The following FAM117B variants were observed in gnomAD, a reference collection of about 807,000 sequenced individuals.
The protein encoded by FAM117B is family with sequence similarity 117 member B.
In FAM117B, 22 loss-of-function variants were observed where a neutral mutation model predicts 52.8. That is an observed-to-expected ratio of 0.42 (90% confidence interval 0.30 to 0.59). The LOEUF (loss-of-function observed/expected upper bound fraction) is 0.59, where lower values mean the gene tolerates loss of function less well. Among genes scored for constraint, FAM117B ranks in the 20% least tolerant of loss-of-function variants. The pLI, the probability that FAM117B is intolerant of heterozygous loss-of-function variation, is 0.22. For missense variants in FAM117B, 678 were observed against 802.6 expected, an observed-to-expected ratio of 0.84 and a Z score of 1.88; for synonymous variants, 309 against 324.1, an observed-to-expected ratio of 0.95 and a Z score of 0.50.
intron 4 of FAM117B, among the ~76,000 whole-genome samples, chr2:202,750,972 A>G (rs1691712403): frequency 6.6e-6 from 1 of 152,186 alleles, no homozygotes; most frequent in Non-Finnish European, 1.5e-5. Flanking sequence ...AGTAGGTAGA[A>G]CAGAAAATGT....
Position 202,696,051 on chromosome 2 carries a change from T to C in FAM117B, c.753+19T>C. 1 of 1,609,094 alleles carries C rather than the reference T, an allele frequency of 6.2e-7. No individual in the cohort carries two copies. On this transcript the variant is annotated intron_variant, in intron 2 of 7. Coordinates refer to ENST00000392238, the MANE Select transcript of FAM117B (RefSeq NM_173511.4). ...TACACAGGTAAGCTTATTATAGTTC[T>C]TATCCTGAAGTGTTTTTCTCTGAAG... is the stretch of plus-strand genomic sequence containing the variant.
Position 202,635,423 on chromosome 2 carries a change from G to A in FAM117B, c.236G>A (p.Gly79Asp), listed in dbSNP as rs1187551758. The A allele has an allele frequency of 6.5e-6, 8 of 1,238,234 alleles. No individual in the cohort carries two copies. The highest frequency in any genetic ancestry group is 7.0e-6 in the Non-Finnish European group (7 of 994,524). The allele number at this position is 1,238,234 out of a possible 1,614,324, so 76.7% of individuals were successfully genotyped here. A position where few individuals can be genotyped will look rare whatever the true frequency, so the allele number is the denominator to read the frequency against. Residue 79 changes from glycine to aspartate, a missense_variant, in exon 1 of 8, where the codon GGC (glycine) becomes GAC (aspartate). By Grantham distance (94) the Gly-to-Asp change is moderately conservative (BLOSUM62 -1). Around this residue, in one of 3 missense-constraint regions of FAM117B, gnomAD observed 583 missense variants for 644.8 expected, o/e 0.90. Transcript: ENST00000392238. ...CCGGASGPAG[G>D]GGGGGPRTAS... is the part of the protein sequence containing the mutation. ...GGTGGCGCCTCAGGCCCCGCAGGCG[G>A]CGGCGGCGGCGGTGGCCCGCGCACC...
intron 1 of FAM117B, among the ~76,000 whole-genome samples, chr2:202,657,762 G>T (rs1334426531): frequency 4.6e-5 from 7 of 152,124 alleles, no homozygotes; most frequent in East Asian, 1.9e-4. Context: ...GGGATTATAG[G>T]TGTAAGCCAC....
intron 1 of FAM117B, among the ~76,000 whole-genome samples, chr2:202,662,735 T>C (rs1690149352): frequency 6.6e-6 from 1 of 152,164 alleles, no homozygotes; most frequent in African/African-American, 2.4e-5. Flanking sequence ...TCCCAGCTAC[T>C]TGGGAGGCTG....
chr2:202,640,328 A>G (rs1431393253), intron 1 of FAM117B, among the ~76,000 whole-genome samples: 1 of 116,706 alleles, frequency 8.6e-6, no homozygotes, highest in Admixed American at 8.3e-5. Flanking sequence ...ATATATATAT[A>G]TATATATATA....
chr2:202,756,175 G>C (rs997213664), intron 5 of FAM117B, among the ~76,000 whole-genome samples: 1 of 152,168 alleles, frequency 6.6e-6, no homozygotes, highest in African/African-American at 2.4e-5. Context: ...CCAACACTTT[G>C]GGAGGCCAAG....
intron 2 of FAM117B, among the ~76,000 whole-genome samples, chr2:202,709,179 T>C (rs1446490168): frequency 6.7e-6 from 1 of 149,110 alleles, no homozygotes; most frequent in Non-Finnish European, 1.5e-5. Context: ...CTTAGCCCAC[T>C]TTTTTTTTTC....
chr2:202,691,835 G>T (rs1690635067), intron 1 of FAM117B, among the ~76,000 whole-genome samples: 1 of 152,094 alleles, frequency 6.6e-6, no homozygotes, highest in African/African-American at 2.4e-5. Flanking sequence ...AATAATGTGG[G>T]TACATATTTT....
At chr2:202,763,953 T>C (rs1691937386) in intron 7 of FAM117B, among the ~76,000 whole-genome samples, 2 of 152,224 alleles carry the variant, frequency 1.3e-5, no homozygotes, top group African/African-American at 4.8e-5. Flanking sequence ...TTGTGCTACC[T>C]GTAAACCTTT....
At chr2:202,668,458 G>A (rs1690242177) in intron 1 of FAM117B, among the ~76,000 whole-genome samples, 1 of 143,234 alleles carries the variant, frequency 7.0e-6, no homozygotes, top group South Asian at 2.2e-4. Flanking sequence ...AACCTGAGAA[G>A]TGGAGGTTGC....
chr2:202,697,992 C>T (rs1026174094), intron 2 of FAM117B, among the ~76,000 whole-genome samples: 1 of 152,224 alleles, frequency 6.6e-6, no homozygotes, highest in Non-Finnish European at 1.5e-5. Flanking sequence ...GCCTCAGCCT[C>T]CTGAGTAGGT....
chr2:202,746,122 T>G (rs1294344255), intron 4 of FAM117B, among the ~76,000 whole-genome samples: 1 of 152,186 alleles, frequency 6.6e-6, no homozygotes, highest in Non-Finnish European at 1.5e-5. Flanking sequence ...TACAGAATTT[T>G]TCATCCAATA....
chr2:202,701,548 G>A (rs1282620679), intron 2 of FAM117B, among the ~76,000 whole-genome samples: 1 of 152,214 alleles, frequency 6.6e-6, no homozygotes, highest in Non-Finnish European at 1.5e-5. Flanking sequence ...TCTGGGCAAA[G>A]TAAATGGAAA....
At chr2:202,659,197 G>C (rs1050586110) in intron 1 of FAM117B, among the ~76,000 whole-genome samples, 4 of 151,860 alleles carry the variant, frequency 2.6e-5, no homozygotes, top group African/African-American at 9.7e-5. Flanking sequence ...GTAGAGACGG[G>C]GTTTCACTAT....
chr2:202,755,492 T>G lies in FAM117B; in HGVS notation c.961-46T>G, dbSNP rs1173227577. 2.5e-6 allele frequency: 4 copies of G among 1,591,178 alleles called. No homozygotes were observed. In the African/African-American group the frequency reaches 4.1e-5, roughly 16 times the overall value. Reference sequence around the variant, plus strand: ...TGGAATTACGCTTCAGCCTAGAAAATTAAAAGGTAATGTTAAGCCTCTCTT... The same window carrying G: ...TGGAATTACGCTTCAGCCTAGAAAAGTAAAAGGTAATGTTAAGCCTCTCTT... On this transcript the variant is annotated intron_variant, in intron 4 of 7. Transcript: ENST00000392238.
intron 2 of FAM117B, among the ~76,000 whole-genome samples, chr2:202,710,355 CTTATG>C (rs1401105683): frequency 6.6e-6 from 1 of 151,870 alleles, no homozygotes; most frequent in African/African-American, 2.4e-5. Flanking sequence ...TATGATTATT[CTTATG>C]TTATTTTTTG....
chr2:202,649,119 T>TC (rs1689916983), intron 1 of FAM117B, among the ~76,000 whole-genome samples: 1 of 152,208 alleles, frequency 6.6e-6, no homozygotes, highest in Admixed American at 6.5e-5. Flanking sequence ...TTGTCAGATA[T>TC]ATTTTGGGAA....
chr2:202,708,017 G>A (rs1036806906), intron 2 of FAM117B, among the ~76,000 whole-genome samples: 3 of 151,920 alleles, frequency 2.0e-5, no homozygotes, highest in Admixed American at 1.3e-4. Context: ...TGATCCACTC[G>A]CCTTGGCCTC....
chr2:202,711,779 A>C (rs1458997524), intron 2 of FAM117B, among the ~76,000 whole-genome samples: 2 of 152,194 alleles, frequency 1.3e-5, no homozygotes, highest in African/African-American at 4.8e-5. Context: ...CAGTTTCCCC[A>C]GCACCGTTTA....
Sources: gnomAD v4.1 joint callset for allele counts (sites outside exome capture counted in the v4.1 genomes callset) on GRCh38, gnomAD v4.1.1 for gene constraint, gnomAD v4.1.1 regional missense constraint, MANE v1.5 for transcripts, NCBI Gene and HGNC (gene_info 2026-07-23, HGNC 2026-07-21) for gene names.